VGLL4: variants seen among roughly 807,000 people sequenced by gnomAD.
VGLL4 encodes transcription cofactor vestigial-like protein 4.
VGLL4 carries 7 observed loss-of-function variants against 21.0 expected under a neutral mutation model. The observed-to-expected ratio is 0.33, with a 90% CI of 0.19 to 0.63. The LOEUF is 0.63. Among genes scored for constraint, VGLL4 ranks in the 20% least tolerant of loss-of-function variants. The pLI is 0.78. For missense variants in VGLL4, 394 were observed against 425.7 expected (o/e 0.93, Z 0.66); for synonymous variants, 222 against 173.2 (o/e 1.28, Z -2.21).
At chr3:11,617,347 A>G (rs2075181097) in intron 1 of VGLL4, among the ~76,000 whole-genome samples, 1 of 152,160 alleles carries the variant, frequency 6.6e-6, no homozygotes, top group African/African-American at 2.4e-5. Flanking sequence ...GTCAGATAAT[A>G]AAGGGCTCTG....
intron 1 of VGLL4, chr3:11,633,156 G>C (rs2075516162): frequency 6.6e-6 from 1 of 152,134 alleles, no homozygotes; most frequent in Non-Finnish European, 1.5e-5. Context: ...GGCTAGTCAG[G>C]CAATTTCAAT....
At chr3:11,590,683 TG>T (rs2074472862) in intron 2 of VGLL4, among the ~76,000 whole-genome samples, 1 of 151,090 alleles carries the variant, frequency 6.6e-6, no homozygotes, top group Admixed American at 6.6e-5. Context: ...TGTGTGTGTG[TG>T]TGTGTGTGTG....
At chr3:11,682,224 T>G (rs2125382326) in intron 2 of VGLL4, among the ~76,000 whole-genome samples, 1 of 151,906 alleles carries the variant, frequency 6.6e-6, no homozygotes, top group East Asian at 1.9e-4. Flanking sequence ...GCCAACATGG[T>G]GAAACCCCAT....
intron 1 of VGLL4, chr3:11,611,830 G>A (rs1323686802): frequency 1.3e-5 from 2 of 151,766 alleles, no homozygotes; most frequent in Admixed American, 6.6e-5. Flanking sequence ...GAGGAACCTC[G>A]ACCTCCCAGG....
At chr3:11,610,065 C>T (rs2075027782) in intron 1 of VGLL4, among the ~76,000 whole-genome samples, 1 of 152,174 alleles carries the variant, frequency 6.6e-6, no homozygotes, top group Non-Finnish European at 1.5e-5. Context: ...GCTCGGTCGG[C>T]CAAGCCAGCC....
chr3:11,683,036 G>A (rs2076398300), intron 2 of VGLL4, among the ~76,000 whole-genome samples: 1 of 152,078 alleles, frequency 6.6e-6, no homozygotes, highest in African/African-American at 2.4e-5. Context: ...AAGACCAAAT[G>A]GCCAACATGG....
intron 2 of VGLL4, among the ~76,000 whole-genome samples, chr3:11,598,048 C>T (rs2074689930): frequency 6.6e-6 from 1 of 151,046 alleles, no homozygotes; most frequent in Admixed American, 6.6e-5. Context: ...TTTTATAAGA[C>T]ATCATCTCGC....
intron 2 of VGLL4, chr3:11,702,858 T>G: frequency 1.0e-6 from 1 of 979,376 alleles, no homozygotes; most frequent in Non-Finnish European, 1.4e-6. Flanking sequence ...ACCACCAAAA[T>G]TAACAGCAAA....
At chr3:11,701,777 C>T (rs767100757) in intron 2 of VGLL4, among the ~76,000 whole-genome samples, 4 of 152,174 alleles carry the variant, frequency 2.6e-5, no homozygotes, top group Admixed American at 6.5e-5. Flanking sequence ...AGCTCATCTT[C>T]GAGAACTTAT....
At chr3:11,673,367 G>A (rs916082383) in intron 2 of VGLL4, among the ~76,000 whole-genome samples, 2 of 151,790 alleles carry the variant, frequency 1.3e-5, no homozygotes, top group African/African-American at 2.4e-5. Flanking sequence ...ACTGACAGAA[G>A]GATTAGAAAA....
chr3:11,698,908 C>T (rs907799482), intron 2 of VGLL4, among the ~76,000 whole-genome samples: 7 of 152,128 alleles, frequency 4.6e-5, no homozygotes, highest in Non-Finnish European at 1.5e-5. Flanking sequence ...CAATAACATC[C>T]TCAAAAATCC....
intron 2 of VGLL4, among the ~76,000 whole-genome samples, chr3:11,690,079 T>C (rs182219584): frequency 1.3e-5 from 2 of 152,292 alleles, no homozygotes; most frequent in Non-Finnish European, 2.9e-5. Context: ...ATAAATGTAA[T>C]GCTTCGATTT....
intron 2 of VGLL4, among the ~76,000 whole-genome samples, chr3:11,655,962 G>T (rs1405612836): frequency 2.0e-5 from 3 of 152,206 alleles, no homozygotes; most frequent in African/African-American, 7.2e-5. Context: ...AGAACAAATG[G>T]GAAGGGAGAG....
intron 1 of VGLL4, among the ~76,000 whole-genome samples, chr3:11,717,535 GTC>G (rs921792911): frequency 1.4e-4 from 19 of 138,820 alleles, no homozygotes; most frequent in Middle Eastern, 3.8e-3. Context: ...GGAGCCGGGA[GTC>G]TCTCTGTTGT....
intron 1 of VGLL4, among the ~76,000 whole-genome samples, chr3:11,624,918 C>T (rs1294090893): frequency 2.0e-5 from 3 of 152,202 alleles, no homozygotes; most frequent in South Asian, 2.1e-4. Flanking sequence ...ACCACGATCA[C>T]GCTCTGAGAG....
At chr3:11,700,610 G>T (rs922789663) in intron 2 of VGLL4, among the ~76,000 whole-genome samples, 4 of 152,104 alleles carry the variant, frequency 2.6e-5, no homozygotes, top group Non-Finnish European at 5.9e-5. Flanking sequence ...ATCCTCATCA[G>T]ATCACATAGA....
At chr3:11,687,786 T>C (rs982223480) in intron 2 of VGLL4, among the ~76,000 whole-genome samples, 4 of 152,224 alleles carry the variant, frequency 2.6e-5, no homozygotes, top group South Asian at 2.1e-4. Context: ...CTGAAAATTA[T>C]AGTTTTTCCT....
intron 1 of VGLL4, among the ~76,000 whole-genome samples, chr3:11,603,377 C>T (rs965804627): frequency 1.3e-5 from 2 of 152,300 alleles, no homozygotes. Context: ...ACAGGCCTCA[C>T]GCTGGCCTGC....
At chr3:11,588,189 C>G (rs2074403567) in intron 2 of VGLL4, among the ~76,000 whole-genome samples, 2 of 152,230 alleles carry the variant, frequency 1.3e-5, no homozygotes, top group Admixed American at 6.5e-5. Context: ...TTACTCAGCA[C>G]CTGGTTGGTG....
Sources: gnomAD v4.1 joint callset for allele counts (sites outside exome capture counted in the v4.1 genomes callset) on GRCh38, gnomAD v4.1.1 for gene constraint, MANE v1.5 for transcripts, NCBI Gene and HGNC (gene_info 2026-07-23, HGNC 2026-07-21) for gene names.